ARFGAP3: variants seen among roughly 807,000 people sequenced by gnomAD.
ARFGAP3 encodes the protein ADP-ribosylation factor GTPase-activating protein 3.
In ARFGAP3, 72 loss-of-function variants were observed where a neutral mutation model predicts 75.0. The ratio of observed to expected loss-of-function variants is 0.96; its 90% CI spans 0.79 to 1.17. The LOEUF (loss-of-function observed/expected upper bound fraction) is 1.17, where lower values mean the gene tolerates loss of function less well. Ranked by LOEUF, ARFGAP3 falls within the 50% of genes most tolerant of loss-of-function variation. The pLI, the probability that ARFGAP3 is intolerant of heterozygous loss-of-function variation, is 0.00. For missense variants in ARFGAP3, 620 were observed against 626.6 expected (o/e 0.99, Z 0.11); for synonymous variants, 221 against 217.9 (o/e 1.01, Z -0.13).
intron 15 of ARFGAP3, 25 bp downstream of exon 15, chr22:42,799,014 G>A (rs746074093): frequency 6.2e-7 from 1 of 1,603,682 alleles, no homozygotes; most frequent in South Asian, 1.1e-5. Flanking sequence ...GTCATAGCCA[G>A]TGAGCACTGC....
intron 14 of ARFGAP3, among the ~76,000 whole-genome samples, chr22:42,801,771 AC>A (rs1269341089): frequency 6.6e-6 from 1 of 152,204 alleles, no homozygotes; most frequent in African/African-American, 2.4e-5. Flanking sequence ...CGCCAAGGGC[AC>A]AGAAATGAGA....
At chr22:42,856,977 TGCCGC>T in intron 1 of ARFGAP3, 132 bp downstream of exon 1, 1 of 821,214 alleles carries the variant, frequency 1.2e-6, no homozygotes, top group Non-Finnish European at 1.6e-6. Context: ...CCGGCCAGGC[TGCCGC>T]GGCCCCACAG....
chr22:42,834,803 T>G (rs1415915641), intron 4 of ARFGAP3, among the ~76,000 whole-genome samples: 1 of 152,244 alleles, frequency 6.6e-6, no homozygotes, highest in Non-Finnish European at 1.5e-5. Context: ...CTTGTTTCAG[T>G]TCTCATAACA....
intron 6 of ARFGAP3, among the ~76,000 whole-genome samples, chr22:42,830,417 A>G (rs949103724): frequency 6.6e-6 from 1 of 152,286 alleles, no homozygotes; most frequent in African/African-American, 2.4e-5. Context: ...AATTTTCTCA[A>G]TACCATCACC....
chr22:42,801,513 T>G (rs1924858955), intron 14 of ARFGAP3, among the ~76,000 whole-genome samples: 1 of 152,248 alleles, frequency 6.6e-6, no homozygotes, highest in African/African-American at 2.4e-5. Context: ...CTTCCTTGCC[T>G]ACTATGACAG....
At position 42,796,743 on chromosome 22, in the gene ARFGAP3, T is replaced by C. The variant is rs1188200681; in HGVS notation, c.*845A>G. ...TCGGTAATTTCTGAAAAGCAAGATT[T>C]AAAAATATTTATTAACAAAACTACC... is the stretch of plus-strand genomic sequence containing the variant. On this transcript the variant is annotated 3_prime_UTR_variant, in exon 16 of 16. Transcript: ENST00000263245. 6.6e-6 allele frequency: 1 copy of C among 152,272 alleles called. No homozygotes were observed. The highest frequency in any genetic ancestry group is 2.4e-5 in the African/African-American group (1 of 41,478). The allele number at this position is 152,272 out of a possible 1,614,324, so 9.4% of individuals were successfully genotyped here.
chr22:42,799,276 T>G, intron 14 of ARFGAP3, 116 bp from the exon 15 acceptor site: 1 of 1,521,720 alleles, frequency 6.6e-7, no homozygotes, highest in Non-Finnish European at 8.8e-7. Flanking sequence ...TCCTGCTGCC[T>G]CACAAGGGGC....
At chr22:42,845,035 T>G (rs551616078) in intron 2 of ARFGAP3, among the ~76,000 whole-genome samples, 1 of 152,264 alleles carries the variant, frequency 6.6e-6, no homozygotes, top group East Asian at 1.9e-4. Flanking sequence ...TTTCCTGGAA[T>G]GGCTTAAACT....
rs557761417 is a variant in ARFGAP3, at chr22:42,826,477, T to A, written c.625+463A>T. 1.7e-4 allele frequency among the ~76,000 whole-genome samples: 26 copies of A among 151,818 alleles called. No individual in the cohort carries two copies. In the South Asian group the frequency reaches 5.4e-3, roughly 32 times the overall value. On this transcript the variant is annotated intron_variant, in intron 7 of 15. Transcript: ENST00000263245. Reference sequence around the variant, plus strand: ...TCACTGCAGCCTCAACCTCCCAGGCTCAAGTGATCCTCCTGCCTCAGTCTC... The same window carrying A: ...TCACTGCAGCCTCAACCTCCCAGGCACAAGTGATCCTCCTGCCTCAGTCTC...
At chr22:42,815,842 G>T (rs945912643) in intron 11 of ARFGAP3, among the ~76,000 whole-genome samples, 1 of 152,218 alleles carries the variant, frequency 6.6e-6, no homozygotes, top group Admixed American at 6.5e-5. Context: ...GCTGGGCGTG[G>T]AGGCTCATGC....
At position 42,797,316 on chromosome 22, in the gene ARFGAP3, A is replaced by G; in HGVS notation, c.*272T>C. On this transcript the variant is annotated 3_prime_UTR_variant, in exon 16 of 16. Coordinates refer to ENST00000263245, the MANE Select transcript of ARFGAP3 (RefSeq NM_014570.5). ...AGGTCTCCAGGCCCTCAGTGTTGAA[A>G]TCAAAGGTTCCAAGAAAATAAAGCA... The G allele has an allele frequency of 4.2e-6, 2 of 480,978 alleles. No homozygotes were observed. Among genetic ancestry groups the G allele is most frequent in the Non-Finnish European group, 7.4e-6 (2 of 270,668 alleles). 29.8% of individuals were successfully genotyped at this position (480,978 alleles called of 1,614,324 possible).
At chr22:42,849,850 C>T (rs1191875438) in intron 1 of ARFGAP3, among the ~76,000 whole-genome samples, 1 of 152,148 alleles carries the variant, frequency 6.6e-6, no homozygotes, top group Non-Finnish European at 1.5e-5. Flanking sequence ...GTGTGAGCCA[C>T]CACGTCCGGC....
chr22:42,840,333 G>A (rs1407296758), intron 3 of ARFGAP3, among the ~76,000 whole-genome samples: 4 of 152,088 alleles, frequency 2.6e-5, no homozygotes, highest in African/African-American at 9.7e-5. Flanking sequence ...AAGTCAACTG[G>A]GTCTGTCCAA....
In ARFGAP3 at chr22:42,817,272, A is replaced by T. The variant is rs201606942; in HGVS notation, c.942-8T>A. The T allele has an allele frequency of 6.4e-5, 102 of 1,598,278 alleles. No individual in the cohort carries two copies. The African/African-American group carries it at 1.3e-3, about 20-fold the overall frequency. ...ACTGAATGTGAAATAACACTTGAGA[A>T]AACAGAAAAATATATATATCAGTAA... On this transcript the variant is annotated splice_region_variant and splice_polypyrimidine_tract_variant and intron_variant, in intron 10 of 15. Coordinates refer to ENST00000263245, the MANE Select transcript of ARFGAP3 (RefSeq NM_014570.5).
chr22:42,848,328 C>T (rs1297526409), intron 1 of ARFGAP3, among the ~76,000 whole-genome samples: 1 of 152,194 alleles, frequency 6.6e-6, no homozygotes, highest in Non-Finnish European at 1.5e-5. Context: ...CCTGCCTCAG[C>T]CTCCTGAGTA....
intron 9 of ARFGAP3, among the ~76,000 whole-genome samples, chr22:42,820,928 C>T (rs9611919): frequency 0.038 from 5,859 of 152,284 alleles, 160 homozygotes; most frequent in African/African-American, 0.074. Context: ...CGAACTCATT[C>T]TCCCGAGACG....
At chr22:42,846,064 CAAA>C (rs200464033) in intron 2 of ARFGAP3, among the ~76,000 whole-genome samples, 1,464 of 138,514 alleles carry the variant, frequency 0.011, 27 homozygotes, top group African/African-American at 0.037. Flanking sequence ...AAAAAAAAGA[CAAA>C]GAATCATAAT....
chr22:42,809,935 C>A (rs538455460), intron 12 of ARFGAP3, among the ~76,000 whole-genome samples: 1 of 141,556 alleles, frequency 7.1e-6, no homozygotes, highest in Non-Finnish European at 1.5e-5. Context: ...ACCCAGGAGG[C>A]GGAGCTTGCA....
chr22:42,817,322 A>T, intron 10 of ARFGAP3, 58 bp from the exon 11 acceptor site: 1 of 1,538,926 alleles, frequency 6.5e-7, no homozygotes, highest in Non-Finnish European at 8.7e-7. Context: ...GTTTCACCAA[A>T]ATAAACAAAG....
Sources: gnomAD v4.1 joint callset for allele counts (sites outside exome capture counted in the v4.1 genomes callset) on GRCh38, gnomAD v4.1.1 for gene constraint, MANE v1.5 for transcripts, NCBI Gene and HGNC (gene_info 2026-07-23, HGNC 2026-07-21) for gene names.